The following HADH variants were observed in gnomAD, a reference collection of about 807,000 sequenced individuals.
The protein encoded by HADH is hydroxyacyl-coenzyme A dehydrogenase, mitochondrial.
In HADH, 24 loss-of-function variants were observed where a neutral mutation model predicts 32.2. The observed-to-expected ratio is 0.75, with a 90% CI of 0.54 to 1.05. HADH has a LOEUF of 1.05. Ranked by LOEUF, HADH falls within the 50% of genes least tolerant of loss-of-function variation. The pLI is 0.00. For missense variants in HADH, 350 were observed against 397.1 expected, an observed-to-expected ratio of 0.88 and a Z score of 1.01; for synonymous variants, 139 against 152.5, an observed-to-expected ratio of 0.91 and a Z score of 0.65.
chr4:108,000,620 A>C (rs1735093579), intron 1 of HADH, among the ~76,000 whole-genome samples: 1 of 152,212 alleles, frequency 6.6e-6, no homozygotes, highest in South Asian at 2.1e-4. Flanking sequence ...TCTGCAAATC[A>C]CTAGAGGCAC....
At chr4:107,990,087 T>TGCCCACGCGCTTGGCC (rs760216198) in intron 1 of HADH, 23 bp downstream of exon 1, 46 of 1,594,854 alleles carry the variant, frequency 2.9e-5, no homozygotes, top group Non-Finnish European at 3.5e-5. Flanking sequence ...CCCTGCAGCG[T>TGCCCACGCGCTTGGCC]GCCCACGCGC....
At chr4:107,996,251 C>T (rs1015286121) in intron 1 of HADH, among the ~76,000 whole-genome samples, 3 of 152,192 alleles carry the variant, frequency 2.0e-5, no homozygotes, top group African/African-American at 7.2e-5. Flanking sequence ...CTCATCATGG[C>T]AAACATTGTC....
At chr4:108,024,928 T>A (rs1408300834) in intron 5 of HADH, 1 of 152,244 alleles carries the variant, frequency 6.6e-6, no homozygotes, top group African/African-American at 2.4e-5. Flanking sequence ...TCCAGAACTC[T>A]CTCTGTGTGG....
chr4:107,998,271 C>T (rs1011849912), intron 1 of HADH, among the ~76,000 whole-genome samples: 1 of 151,854 alleles, frequency 6.6e-6, no homozygotes, highest in Non-Finnish European at 1.5e-5. Context: ...GGCTTACTAA[C>T]TGGAAATGAT....
intron 2 of HADH, among the ~76,000 whole-genome samples, chr4:108,013,725 T>C (rs1488163228): frequency 6.6e-6 from 1 of 152,060 alleles, no homozygotes; most frequent in Non-Finnish European, 1.5e-5. Context: ...AGGGGAAAAA[T>C]ATATAAAACA....
At chr4:108,010,880 TCTCA>T (rs1175456081) in intron 2 of HADH, among the ~76,000 whole-genome samples, 1 of 145,190 alleles carries the variant, frequency 6.9e-6, no homozygotes, top group Non-Finnish European at 1.5e-5. Flanking sequence ...TGAGACAGAG[TCTCA>T]CTCTGTCACC....
At chr4:108,011,766 A>G (rs1239847383) in intron 2 of HADH, among the ~76,000 whole-genome samples, 1 of 152,212 alleles carries the variant, frequency 6.6e-6, no homozygotes, top group African/African-American at 2.4e-5. Flanking sequence ...TCCCACCAGC[A>G]ATGTACGAAG....
intron 3 of HADH, among the ~76,000 whole-genome samples, chr4:108,019,003 T>A (rs1055715903): frequency 2.6e-5 from 4 of 152,230 alleles, no homozygotes; most frequent in Non-Finnish European, 2.9e-5. Context: ...GTTCTTGTTT[T>A]CATTTTAATT....
In HADH at chr4:108,019,627, C is replaced by T. The variant is rs1735811848; in HGVS notation, c.507C>T (p.Leu169=). ...ATTRQDRFAG[L]HFFNPVPVMK... is the part of the protein sequence containing the mutation. Reference sequence around the variant, plus strand: ...CCAGACAAGACCGATTCGCTGGCCTCCATTTCTTCAACCCAGTGCCTGTCA... The same window carrying T: ...CCAGACAAGACCGATTCGCTGGCCTTCATTTCTTCAACCCAGTGCCTGTCA... The change falls in exon 4 of 8, where the codon CTC becomes CTT. Residue 169 remains leucine, a synonymous_variant. Transcript: ENST00000309522. The T allele has an allele frequency of 6.2e-7, 1 of 1,614,186 alleles. No homozygotes were observed. The highest frequency in any genetic ancestry group is 8.5e-7 in the Non-Finnish European group (1 of 1,180,016).
Position 107,990,743 on chromosome 4 carries a change from CT to C in HADH, c.132+702del, listed in dbSNP as rs553014808. On this transcript the variant is annotated intron_variant, in intron 1 of 7. Transcript: ENST00000309522. ...GCGCTGCAGCGGAATAAGTCTCTCT[CT>C]TTTTTTTTTTTTTTTTTTTTTTGAG... 2.3e-3 allele frequency among the ~76,000 whole-genome samples: 255 copies of C among 111,840 alleles called. 1 individual carries two copies. The highest frequency in any genetic ancestry group is 6.7e-3 in the African/African-American group (182 of 27,270). The allele number at this position is 111,840 out of a possible 152,430, so 73.4% of individuals were successfully genotyped here.
intron 1 of HADH, among the ~76,000 whole-genome samples, chr4:108,005,758 C>T (rs956850286): frequency 1.3e-5 from 2 of 152,172 alleles, no homozygotes; most frequent in East Asian, 1.9e-4. Context: ...GCATTTGGAA[C>T]GCACTCTGTA....
chr4:108,009,697 G>A (rs975963506), intron 1 of HADH, 62 bp from the exon 2 acceptor site: 5 of 1,478,616 alleles, frequency 3.4e-6, no homozygotes, highest in African/African-American at 2.8e-5. Flanking sequence ...GGGGTGGGGT[G>A]TGTGCGCGTG....
Position 107,991,245 on chromosome 4 carries a change from C to T in HADH, c.132+1181C>T, listed in dbSNP as rs185162571. On this transcript the variant is annotated intron_variant, in intron 1 of 7. Coordinates refer to ENST00000309522, the MANE Select transcript of HADH (RefSeq NM_005327.7). ...CTGATTATATTCTTAGCATTTCAGT[C>T]CTTTGCAACTTGGTTTGTTGGGGAA... is the stretch of plus-strand genomic sequence containing the variant. Among the ~76,000 whole-genome samples, 9 of 152,078 alleles carry T rather than the reference C, an allele frequency of 5.9e-5. No homozygotes were observed. The South Asian group carries it at 1.2e-3, about 21-fold the overall frequency.
chr4:107,990,156 C>A (rs2126215622), intron 1 of HADH, 92 bp downstream of exon 1: 1 of 1,327,304 alleles, frequency 7.5e-7, no homozygotes. Context: ...GGCCTGCACC[C>A]GCCCGACACC....
intron 1 of HADH, among the ~76,000 whole-genome samples, 169 bp from the exon 2 acceptor site, chr4:108,009,590 G>A (rs1352420033): frequency 6.6e-6 from 1 of 152,176 alleles, no homozygotes; most frequent in Non-Finnish European, 1.5e-5. Context: ...GGCAAGAAGT[G>A]TGTGTTTAGT....
chr4:108,019,120 GTTGC>G (rs1301419767), intron 3 of HADH, among the ~76,000 whole-genome samples: 1 of 152,076 alleles, frequency 6.6e-6, no homozygotes, highest in African/African-American at 2.4e-5. Context: ...TTAGAATTTT[GTTGC>G]TTTTAGGTGT....
At chr4:108,000,113 G>A (rs1362628486) in intron 1 of HADH, among the ~76,000 whole-genome samples, 2 of 152,180 alleles carry the variant, frequency 1.3e-5, no homozygotes, top group African/African-American at 4.8e-5. Flanking sequence ...ACAACCTGAA[G>A]TGGATGATGC....
At chr4:108,006,354 A>G (rs1362524160) in intron 1 of HADH, among the ~76,000 whole-genome samples, 1 of 152,164 alleles carries the variant, frequency 6.6e-6, no homozygotes, top group African/African-American at 2.4e-5. Context: ...CAGAGCCGAC[A>G]GGTTATTTTA....
At chr4:108,015,980 A>T (rs1239898962) in intron 3 of HADH, among the ~76,000 whole-genome samples, 1 of 152,082 alleles carries the variant, frequency 6.6e-6, no homozygotes, top group Non-Finnish European at 1.5e-5. Flanking sequence ...GAGCAAACAG[A>T]ATGGTGTAAT....
Sources: gnomAD v4.1 joint callset for allele counts (sites outside exome capture counted in the v4.1 genomes callset) on GRCh38, gnomAD v4.1.1 for gene constraint, MANE v1.5 for transcripts, NCBI Gene and HGNC (gene_info 2026-07-23, HGNC 2026-07-21) for gene names.